The following ADGRD1 variants were observed in gnomAD, a reference collection of about 807,000 sequenced individuals.
ADGRD1 encodes the protein G-protein coupled receptor 133.
In ADGRD1, 77 loss-of-function variants were observed where a neutral mutation model predicts 113.4. The ratio of observed to expected loss-of-function variants is 0.68; its 90% CI spans 0.57 to 0.82. The LOEUF (loss-of-function observed/expected upper bound fraction) is 0.82. Among genes scored for constraint, ADGRD1 ranks in the 40% least tolerant of loss-of-function variants. The pLI is 0.00. For missense variants in ADGRD1, 1,036 were observed against 1,139.1 expected, an observed-to-expected ratio of 0.91 and a Z score of 1.30; for synonymous variants, 474 against 475.0, an observed-to-expected ratio of 1.00 and a Z score of 0.03.
intron 8 of ADGRD1, among the ~76,000 whole-genome samples, chr12:130,996,837 A>AC (rs1280925230): frequency 1.4e-5 from 1 of 71,966 alleles, no homozygotes; most frequent in Non-Finnish European, 2.8e-5. Flanking sequence ...CGGGGGGCTG[A>AC]CCCCCCCACC....
chr12:131,031,100 C>T (rs1880678379), intron 13 of ADGRD1, among the ~76,000 whole-genome samples: 1 of 152,316 alleles, frequency 6.6e-6, no homozygotes, highest in South Asian at 2.1e-4. Flanking sequence ...CACACTGGGC[C>T]CCGGGGAGCC....
chr12:131,033,762 C>A (rs1403141246), intron 13 of ADGRD1, among the ~76,000 whole-genome samples: 2 of 152,198 alleles, frequency 1.3e-5, no homozygotes, highest in South Asian at 2.1e-4. Context: ...GGCTGCACAG[C>A]CGTGTGTCCT....
intron 5 of ADGRD1, among the ~76,000 whole-genome samples, chr12:130,986,313 G>A (rs1302466768): frequency 6.6e-6 from 1 of 151,956 alleles, no homozygotes; most frequent in East Asian, 1.9e-4. Context: ...TTTAGTTCTT[G>A]TTTAATTTCT....
At chr12:131,103,559 G>A (rs933120656) in intron 15 of ADGRD1, among the ~76,000 whole-genome samples, 3 of 135,680 alleles carry the variant, frequency 2.2e-5, no homozygotes, top group African/African-American at 7.5e-5. Flanking sequence ...GTTGCTCCCC[G>A]TGGTCCAGTG....
rs145284930 is a variant in ADGRD1, at chr12:131,033,988, C to G, written c.1473+19648C>G. Among the ~76,000 whole-genome samples the G allele has an allele frequency of 2.2e-3, 334 of 152,296 alleles. 1 individual carries two copies. The highest frequency in any genetic ancestry group is 3.7e-3 in the Non-Finnish European group (252 of 68,010). ...AGCTCACGTCCGATTTCCACCGGTA[C>G]CCATCGTCACCATCACCAGCCTTGC... On this transcript the variant is annotated intron_variant, in intron 13 of 24. Coordinates refer to ENST00000261654, the MANE Select transcript of ADGRD1 (RefSeq NM_198827.5).
chr12:131,132,421 C>T (rs1950957709), intron 21 of ADGRD1, among the ~76,000 whole-genome samples: 1 of 152,204 alleles, frequency 6.6e-6, no homozygotes, highest in Non-Finnish European at 1.5e-5. Flanking sequence ...TGACAGAAAT[C>T]CCAGCATGCA....
chr12:130,992,524 T>C, intron 8 of ADGRD1, 132 bp downstream of exon 8: 1 of 807,748 alleles, frequency 1.2e-6, no homozygotes, highest in Non-Finnish European at 2.0e-6. Context: ...GGTTTCAGGC[T>C]TCTCATGAAC....
In ADGRD1 at chr12:131,000,385, C is replaced by T; in HGVS notation, c.969C>T (p.Thr323=). The T allele has an allele frequency of 6.2e-7, 1 of 1,612,806 alleles. No homozygotes were observed. Among genetic ancestry groups the T allele is most frequent in the Non-Finnish European group, 8.5e-7 (1 of 1,179,028 alleles). The change falls in exon 9 of 25, where the codon ACC becomes ACT. Residue 323 remains threonine (T), a splice_region_variant and synonymous_variant. Coordinates refer to ENST00000261654, the MANE Select transcript of ADGRD1 (RefSeq NM_198827.5). ...SEQTALNLTK[T]FLKAVGEILL... ...AGTGTCATTTTGTCCACCTTTAGAC[C>T]TTCTTAAAAGCCGTGGGAGAGATCC... is the stretch of plus-strand genomic sequence containing the variant.
At chr12:131,000,235 C>A in intron 8 of ADGRD1, 148 bp from the exon 9 acceptor site, 1 of 655,844 alleles carries the variant, frequency 1.5e-6, no homozygotes, top group Non-Finnish European at 2.8e-6. Flanking sequence ...TCATGTGGTC[C>A]ATGACTCAGC....
At chr12:130,975,128 G>A (rs1048897491) in intron 4 of ADGRD1, among the ~76,000 whole-genome samples, 1 of 152,156 alleles carries the variant, frequency 6.6e-6, no homozygotes, top group East Asian at 1.9e-4. Flanking sequence ...GCTGAAAATA[G>A]GAAGGGGCAC....
intron 11 of ADGRD1, among the ~76,000 whole-genome samples, chr12:131,004,821 C>A (rs1470531085): frequency 6.6e-6 from 1 of 152,198 alleles, no homozygotes; most frequent in Non-Finnish European, 1.5e-5. Context: ...GCTCAGGGGA[C>A]CCCCTGCCTC....
chr12:131,019,540 G>A (rs1879052669), intron 13 of ADGRD1, among the ~76,000 whole-genome samples: 1 of 152,228 alleles, frequency 6.6e-6, no homozygotes, highest in South Asian at 2.1e-4. Context: ...TTCCTTAGAA[G>A]GGAGCAAGGA....
intron 3 of ADGRD1, chr12:130,968,472 C>G (rs540002885): frequency 8.3e-5 from 13 of 156,366 alleles, no homozygotes; most frequent in African/African-American, 3.1e-4. Context: ...CTGCGGGGAA[C>G]AGGTGAATAG....
At chr12:131,114,376 C>A (rs1248929127) in intron 18 of ADGRD1, among the ~76,000 whole-genome samples, 1 of 152,150 alleles carries the variant, frequency 6.6e-6, no homozygotes, top group Non-Finnish European at 1.5e-5. Context: ...ACCAATGCAG[C>A]CCCAGTAGGA....
chr12:131,048,499 G>A (rs1391668985), intron 13 of ADGRD1, among the ~76,000 whole-genome samples: 12 of 152,204 alleles, frequency 7.9e-5, no homozygotes, highest in Non-Finnish European at 1.6e-4. Context: ...CAGCCTACGG[G>A]AAGCGCTGAG....
At chr12:131,088,963 G>A (rs1037751099) in intron 15 of ADGRD1, among the ~76,000 whole-genome samples, 1 of 152,190 alleles carries the variant, frequency 6.6e-6, no homozygotes, top group African/African-American at 2.4e-5. Context: ...GGTGGGGCCT[G>A]GCATCCTCAT....
At chr12:131,095,000 G>A (rs567723041) in intron 15 of ADGRD1, among the ~76,000 whole-genome samples, 61 of 144,372 alleles carry the variant, frequency 4.2e-4, no homozygotes, top group African/African-American at 1.5e-3. Context: ...CCCTCGAGAC[G>A]CCCCCTCTCA....
intron 8 of ADGRD1, among the ~76,000 whole-genome samples, chr12:130,996,076 G>C (rs1205508918): frequency 6.6e-6 from 1 of 152,210 alleles, no homozygotes; most frequent in Non-Finnish European, 1.5e-5. Context: ...ACATGTTTCA[G>C]AGAGCACAGG....
intron 4 of ADGRD1, among the ~76,000 whole-genome samples, chr12:130,979,583 A>G (rs1190902467): frequency 6.6e-6 from 1 of 152,178 alleles, no homozygotes; most frequent in Non-Finnish European, 1.5e-5. Flanking sequence ...GGTAAGGTCT[A>G]AAGTCTAAAT....
Sources: gnomAD v4.1 joint callset for allele counts (sites outside exome capture counted in the v4.1 genomes callset) on GRCh38, gnomAD v4.1.1 for gene constraint, MANE v1.5 for transcripts, NCBI Gene and HGNC (gene_info 2026-07-23, HGNC 2026-07-21) for gene names.